The following BTBD9 variants were observed in gnomAD, a reference collection of about 807,000 sequenced individuals.
The protein encoded by BTBD9 is BTB domain containing 9.
Under a neutral mutation model 64.3 loss-of-function variants are expected in BTBD9, and 49 were observed. That is an observed-to-expected ratio of 0.76 (90% CI 0.61 to 0.97). The LOEUF is 0.97. Ranked by LOEUF, BTBD9 falls within the 50% of genes least tolerant of loss-of-function variation. The probability of loss-of-function intolerance (pLI) is 0.00; values close to 1 mark genes in which losing one functional copy is unlikely to be tolerated. For synonymous variants in BTBD9, 260 were observed against 274.7 expected, an observed-to-expected ratio of 0.95 and a Z score of 0.53; for missense variants, 598 against 762.1, an observed-to-expected ratio of 0.78 and a Z score of 2.53.
chr6:38,213,879 G>A (rs901295041), intron 9 of BTBD9, among the ~76,000 whole-genome samples: 1 of 151,850 alleles, frequency 6.6e-6, no homozygotes, highest in African/African-American at 2.4e-5. Context: ...GCTACAGGCT[G>A]GGACTGAGCT....
intron 10 of BTBD9, among the ~76,000 whole-genome samples, chr6:38,175,641 G>A (rs184926361): frequency 1.3e-5 from 2 of 152,190 alleles, no homozygotes; most frequent in Non-Finnish European, 2.9e-5. Flanking sequence ...TGTGGCATCT[G>A]CGTGGGTTGT....
intron 6 of BTBD9, among the ~76,000 whole-genome samples, chr6:38,519,670 T>A (rs982100067): frequency 6.6e-6 from 1 of 152,226 alleles, no homozygotes. Context: ...CTGGTCATGT[T>A]TTCCAGGGTT....
At chr6:38,453,310 C>A (rs550018060) in intron 6 of BTBD9, among the ~76,000 whole-genome samples, 1 of 152,068 alleles carries the variant, frequency 6.6e-6, no homozygotes, top group Non-Finnish European at 1.5e-5. Context: ...TATTCCAAGG[C>A]GTTATTCTTT....
chr6:38,237,623 C>T (rs908050243), intron 9 of BTBD9, among the ~76,000 whole-genome samples: 1 of 152,080 alleles, frequency 6.6e-6, no homozygotes, highest in Non-Finnish European at 1.5e-5. Flanking sequence ...AAGATGCCTA[C>T]AGAAACTAAT....
chr6:38,188,920 C>A (rs1282844462), intron 10 of BTBD9, among the ~76,000 whole-genome samples: 1 of 152,192 alleles, frequency 6.6e-6, no homozygotes, highest in Non-Finnish European at 1.5e-5. Flanking sequence ...TCACCAAGAA[C>A]CAGAGCCTGC....
chr6:38,548,252 G>A (rs1193811597), intron 6 of BTBD9, among the ~76,000 whole-genome samples: 2 of 152,134 alleles, frequency 1.3e-5, no homozygotes, highest in Non-Finnish European at 2.9e-5. Context: ...CCACCAAAAT[G>A]GTACAGATTT....
At chr6:38,330,412 C>T (rs1763627537) in intron 7 of BTBD9, among the ~76,000 whole-genome samples, 1 of 152,034 alleles carries the variant, frequency 6.6e-6, no homozygotes, top group South Asian at 2.1e-4. Context: ...TTGAGCCAGG[C>T]ACAGTAGTGT....
chr6:38,317,731 G>A (rs1763075957), intron 7 of BTBD9, among the ~76,000 whole-genome samples: 1 of 152,084 alleles, frequency 6.6e-6, no homozygotes, highest in Admixed American at 6.6e-5. Context: ...CAAACAGCCT[G>A]TCTTCAAGCT....
intron 6 of BTBD9, among the ~76,000 whole-genome samples, chr6:38,536,481 T>C (rs973371602): frequency 6.6e-6 from 1 of 152,140 alleles, no homozygotes; most frequent in Non-Finnish European, 1.5e-5. Flanking sequence ...GCTAGGTATA[T>C]ACCCAAAAGA....
At chr6:38,563,372 T>C (rs1263078621) in intron 6 of BTBD9, among the ~76,000 whole-genome samples, 7 of 152,160 alleles carry the variant, frequency 4.6e-5, no homozygotes, top group Non-Finnish European at 1.0e-4. Flanking sequence ...CTCGTTTCTC[T>C]CTGACTCCAC....
At chr6:38,497,885 G>C (rs1772022653) in intron 6 of BTBD9, among the ~76,000 whole-genome samples, 1 of 152,174 alleles carries the variant, frequency 6.6e-6, no homozygotes, top group Admixed American at 6.5e-5. Flanking sequence ...CTAGGCTACA[G>C]TCAAACTGCA....
At chr6:38,259,965 A>ATCATTTCCTTCATTAG (rs1420998481) in intron 8 of BTBD9, among the ~76,000 whole-genome samples, 1 of 152,140 alleles carries the variant, frequency 6.6e-6, no homozygotes, top group African/African-American at 2.4e-5. Context: ...AAGAACGTGA[A>ATCATTTCCTTCATTAG]TCATTTCCTT....
intron 6 of BTBD9, among the ~76,000 whole-genome samples, chr6:38,553,604 A>C (rs1774902422): frequency 6.6e-6 from 1 of 152,220 alleles, no homozygotes; most frequent in Non-Finnish European, 1.5e-5. Context: ...TTGCCATAAG[A>C]GCCAAAGCCA....
At chr6:38,263,879 A>G (rs1764877882) in intron 8 of BTBD9, among the ~76,000 whole-genome samples, 1 of 152,216 alleles carries the variant, frequency 6.6e-6, no homozygotes, top group African/African-American at 2.4e-5. Flanking sequence ...AGGGCCAAAG[A>G]TAAGCTCCTG....
intron 6 of BTBD9, among the ~76,000 whole-genome samples, chr6:38,353,406 G>A (rs1764598895): frequency 6.6e-6 from 1 of 151,706 alleles, no homozygotes; most frequent in African/African-American, 2.4e-5. Flanking sequence ...GAGAGGGGAA[G>A]AAGAGAGACG....
chr6:38,525,320 G>C (rs1773440764), intron 6 of BTBD9, among the ~76,000 whole-genome samples: 1 of 152,172 alleles, frequency 6.6e-6, no homozygotes. Flanking sequence ...ATGATTGTAA[G>C]TTTCCTGAGG....
intron 6 of BTBD9, among the ~76,000 whole-genome samples, chr6:38,360,682 T>C (rs1437838604): frequency 6.6e-6 from 1 of 151,974 alleles, no homozygotes; most frequent in Non-Finnish European, 1.5e-5. Flanking sequence ...GAGTAACATG[T>C]GCAAAATCTA....
At chr6:38,598,712 G>A (rs1777146242) in intron 1 of BTBD9, among the ~76,000 whole-genome samples, 1 of 152,086 alleles carries the variant, frequency 6.6e-6, no homozygotes, top group Non-Finnish European at 1.5e-5. Context: ...CAGGTTGGGA[G>A]TTCAAGACCA....
chr6:38,326,216 C>A (rs1763421273), intron 7 of BTBD9, among the ~76,000 whole-genome samples: 1 of 152,050 alleles, frequency 6.6e-6, no homozygotes, highest in South Asian at 2.1e-4. Flanking sequence ...GAGCGAACAG[C>A]AAGTGCAAAG....
Sources: gnomAD v4.1 joint callset for allele counts (sites outside exome capture counted in the v4.1 genomes callset) on GRCh38, gnomAD v4.1.1 for gene constraint, MANE v1.5 for transcripts, NCBI Gene and HGNC (gene_info 2026-07-23, HGNC 2026-07-21) for gene names.